The following OSBPL10 variants were observed in gnomAD, a reference collection of about 807,000 sequenced individuals.
The protein encoded by OSBPL10 is oxysterol-binding protein-related protein 10.
OSBPL10 carries 49 observed loss-of-function variants against 81.7 expected under a neutral mutation model. The observed-to-expected ratio is 0.60, with a 90% CI of 0.48 to 0.76. The LOEUF (loss-of-function observed/expected upper bound fraction) is 0.76. Ranked by LOEUF, OSBPL10 falls within the 30% of genes least tolerant of loss-of-function variation. OSBPL10 has a pLI of 0.00. For synonymous variants in OSBPL10, 419 were observed against 383.6 expected (o/e 1.09, Z -1.08); for missense variants, 923 against 987.8 (o/e 0.93, Z 0.88).
chr3:31,938,287 C>A (rs1169759335), intron 1 of OSBPL10, among the ~76,000 whole-genome samples: 1 of 152,162 alleles, frequency 6.6e-6, no homozygotes, highest in Non-Finnish European at 1.5e-5. Context: ...CTCCCTCACA[C>A]TCTCTTAAAC....
chr3:32,013,562 A>G (rs1394255914), intron 2 of OSBPL10, among the ~76,000 whole-genome samples: 1 of 152,196 alleles, frequency 6.6e-6, no homozygotes, highest in Non-Finnish European at 1.5e-5. Flanking sequence ...ATCACATTCA[A>G]AAGCTAGCAG....
At chr3:31,722,040 A>C (rs182171779) in intron 6 of OSBPL10, among the ~76,000 whole-genome samples, 1 of 152,166 alleles carries the variant, frequency 6.6e-6, no homozygotes, top group Non-Finnish European at 1.5e-5. Flanking sequence ...AAACAGCTTA[A>C]AGAGACCCAA....
chr3:31,879,882 CAGCAAAGCAGAAAAA>C (rs1368598132), intron 1 of OSBPL10, 52 bp from the exon 2 acceptor site: 125 of 1,532,168 alleles, frequency 8.2e-5, no homozygotes, highest in Non-Finnish European at 1.1e-4. Flanking sequence ...CTATTCTGCA[CAGCAAAGCAGAAAAA>C]AGCAAAGTGA....
At position 31,974,707 on chromosome 3, in the gene OSBPL10, A is replaced by T. The variant is rs992183226; in HGVS notation, c.281+6192T>A. ...AACTCAGTGGTGTTGAGGTCAGAATAGCAGTTACCGTATGCGGGGAGATAC... is the reference window on the plus strand; with the variant it reads ...AACTCAGTGGTGTTGAGGTCAGAATTGCAGTTACCGTATGCGGGGAGATAC... On this transcript the variant is annotated intron_variant, in intron 1 of 11. Coordinates refer to ENST00000396556, the MANE Select transcript of OSBPL10 (RefSeq NM_017784.5). Among the ~76,000 whole-genome samples, 5 of 152,192 alleles carry T rather than the reference A, an allele frequency of 3.3e-5. No individual in the cohort carries two copies. The South Asian group carries it at 1.0e-3, about 32-fold the overall frequency.
chr3:31,875,280 A>G (rs1169118819), intron 3 of OSBPL10, among the ~76,000 whole-genome samples: 1 of 152,078 alleles, frequency 6.6e-6, no homozygotes, highest in African/African-American at 2.4e-5. Flanking sequence ...AAGTCCTTCT[A>G]CTCTTATCCT....
At position 31,775,732 on chromosome 3, in the gene OSBPL10, T is replaced by C. The variant is rs549276601; in HGVS notation, c.730-27612A>G. On this transcript the variant is annotated intron_variant, in intron 4 of 11. Transcript: ENST00000396556. ...CAGGAGACTCAAAGGTAGATGCCTGTAGGGAAGGAGAGGTAAGAGTAATCT... is the reference window on the plus strand; with the variant it reads ...CAGGAGACTCAAAGGTAGATGCCTGCAGGGAAGGAGAGGTAAGAGTAATCT... 3.3e-5 allele frequency among the ~76,000 whole-genome samples: 5 copies of C among 152,038 alleles called. No homozygotes were observed. The East Asian group carries it at 7.7e-4, about 24-fold the overall frequency.
intron 2 of OSBPL10, among the ~76,000 whole-genome samples, chr3:31,879,046 G>T (rs986796196): frequency 6.6e-6 from 1 of 152,072 alleles, no homozygotes; most frequent in African/African-American, 2.4e-5. Flanking sequence ...TGGACTCCCT[G>T]GAAAGTCATC....
intron 4 of OSBPL10, among the ~76,000 whole-genome samples, chr3:31,753,304 T>C (rs1368009228): frequency 1.3e-5 from 2 of 151,920 alleles, no homozygotes; most frequent in Non-Finnish European, 2.9e-5. Flanking sequence ...GTGATTCTCC[T>C]GATTCAGCCT....
At chr3:31,929,335 CA>C (rs1376610400) in intron 1 of OSBPL10, among the ~76,000 whole-genome samples, 47 of 152,072 alleles carry the variant, frequency 3.1e-4, no homozygotes, top group African/African-American at 1.1e-3. Context: ...CATAATTAGA[CA>C]AGAAAAAAAT....
chr3:31,947,060 T>G (rs1575053425), intron 1 of OSBPL10, among the ~76,000 whole-genome samples: 1 of 152,166 alleles, frequency 6.6e-6, no homozygotes, highest in East Asian at 1.9e-4. Flanking sequence ...GAAAGGCAGC[T>G]ATGCCTCAGT....
intron 8 of OSBPL10, among the ~76,000 whole-genome samples, chr3:31,679,464 T>G (rs1027032960): frequency 6.6e-6 from 1 of 152,130 alleles, no homozygotes; most frequent in Non-Finnish European, 1.5e-5. Flanking sequence ...AATAAATGGA[T>G]GAATGGATAA....
intron 1 of OSBPL10, among the ~76,000 whole-genome samples, chr3:31,949,623 A>ACC (rs1697808129): frequency 7.7e-6 from 1 of 129,500 alleles, no homozygotes; most frequent in Admixed American, 9.5e-5. Flanking sequence ...AGCTGAGATC[A>ACC]CCTCACTGCA....
chr3:31,989,410 G>C (rs766693763), intron 2 of OSBPL10: 3 of 1,614,028 alleles, frequency 1.9e-6, no homozygotes, highest in Non-Finnish European at 2.5e-6. Context: ...AGATATTCAT[G>C]ACTTTGAGTT....
In OSBPL10 at chr3:31,921,842, G is replaced by C. The variant is rs144930599; in HGVS notation, c.282-42012C>G. ...ATACTACTTCTAGCCAGGTGATTAA[G>C]GTCAACAGCAACAATTACAAATCAT... On this transcript the variant is annotated intron_variant, in intron 1 of 11. Coordinates refer to ENST00000396556, the MANE Select transcript of OSBPL10 (RefSeq NM_017784.5). Among the ~76,000 whole-genome samples, 18 of 152,262 alleles carry C rather than the reference G, an allele frequency of 1.2e-4. No homozygotes were observed. The East Asian group carries it at 3.5e-3, about 29-fold the overall frequency.
intron 5 of OSBPL10, among the ~76,000 whole-genome samples, chr3:31,734,549 G>C (rs555757175): frequency 6.6e-6 from 1 of 152,122 alleles, no homozygotes; most frequent in South Asian, 2.1e-4. Flanking sequence ...ATCAACCCAA[G>C]CAACAAGGCG....
intron 2 of OSBPL10, among the ~76,000 whole-genome samples, chr3:32,000,208 A>C (rs1386624381): frequency 6.6e-6 from 1 of 152,172 alleles, no homozygotes; most frequent in Admixed American, 6.5e-5. Flanking sequence ...TGCTCTCGCC[A>C]CATAATTTCA....
At chr3:31,750,494 A>T (rs1299029565) in intron 4 of OSBPL10, among the ~76,000 whole-genome samples, 1 of 152,226 alleles carries the variant, frequency 6.6e-6, no homozygotes. Flanking sequence ...AAGATTTAGT[A>T]ACAGATAATA....
At chr3:32,040,989 C>CAAGAAGCTCTGCAGTCAGGAAAA (rs1699569343) in intron 2 of OSBPL10, among the ~76,000 whole-genome samples, 1 of 152,218 alleles carries the variant, frequency 6.6e-6, no homozygotes, top group South Asian at 2.1e-4. Flanking sequence ...AACTAGACCT[C>CAAGAAGCTCTGCAGTCAGGAAAA]AAGAAGCTCT....
At chr3:31,989,844 G>A (rs1204601827) in intron 2 of OSBPL10, 3 of 1,613,978 alleles carry the variant, frequency 1.9e-6, no homozygotes, top group Non-Finnish European at 2.5e-6. Flanking sequence ...ATTTAGGAGG[G>A]AAACAATATA....
Sources: allele counts gnomAD v4.1 joint callset (sites outside exome capture counted in the v4.1 genomes callset), GRCh38; gene constraint gnomAD v4.1.1; transcripts MANE v1.5; gene names NCBI Gene and HGNC (gene_info 2026-07-23, HGNC 2026-07-21).